The following CEBPB variants were observed in gnomAD, a reference collection of about 807,000 sequenced individuals.
CEBPB encodes CCAAT/enhancer-binding protein beta.
For missense variants in CEBPB, 498 were observed against 533.1 expected (o/e 0.93, Z 0.65); for synonymous variants, 295 against 267.1 (o/e 1.10, Z -1.02).
In CEBPB at chr20:50,191,660, T is replaced by G. The variant is rs867527567; in HGVS notation, c.627T>G (p.Ala209=). 39 of 1,415,982 alleles carry G rather than the reference T, an allele frequency of 2.8e-5. No individual in the cohort carries two copies. In the African/African-American group the frequency reaches 5.2e-4, roughly 19 times the overall value. 87.7% of individuals were successfully genotyped at this position (1,415,982 alleles called of 1,614,324 possible). A position where few individuals can be genotyped will look rare whatever the true frequency, so the allele number is the denominator to read the frequency against. Residue 209 remains alanine (A), a synonymous_variant, in exon 1 of 1, where the codon GCT becomes GCG. Transcript: ENST00000303004. ...CGGGCTTCCCGTACGCGCTGCGCGCTTACCTCGGCTACCAGGCGGTGCCGA... is the reference window on the plus strand; with the variant it reads ...CGGGCTTCCCGTACGCGCTGCGCGCGTACCTCGGCTACCAGGCGGTGCCGA... ...MAAGFPYALR[A]YLGYQAVPSG...
chr20:50,190,913 C>CCGGCAGCGGCGG lies in CEBPB; in HGVS notation c.-119_-108dup. On this transcript the variant is annotated 5_prime_UTR_variant, in exon 1 of 1. Transcript: ENST00000303004. ...AGCCCCCTCACTAATAGCGGCCACC[C>CCGGCAGCGGCGG]CGGCAGCGGCGGCAGCAGCAGCAGC... 2.4e-6 allele frequency: 3 copies of CCGGCAGCGGCGG among 1,262,270 alleles called. No individual in the cohort carries two copies. The highest frequency in any genetic ancestry group is 3.0e-6 in the Non-Finnish European group (3 of 988,152). The allele number at this position is 1,262,270 out of a possible 1,614,324, so 78.2% of individuals were successfully genotyped here. A position where few individuals can be genotyped will look rare whatever the true frequency, so the allele number is the denominator to read the frequency against.
At position 50,191,683 on chromosome 20, in the gene CEBPB, C is replaced by T; in HGVS notation, c.650C>T (p.Pro217Leu). 1.4e-6 allele frequency: 2 copies of T among 1,452,992 alleles called. No individual in the cohort carries two copies. The highest frequency in any genetic ancestry group is 2.7e-5 in the South Asian group (2 of 72,774). The allele number at this position is 1,452,992 out of a possible 1,614,324, so 90.0% of individuals were successfully genotyped here. ...LRAYLGYQAVPSGSSGSLSTS... is the reference protein window; with the variant it reads ...LRAYLGYQAVLSGSSGSLSTS... ...GCTTACCTCGGCTACCAGGCGGTGC[C>T]GAGCGGCAGCAGCGGGAGCCTCTCC... The change falls in exon 1 of 1, where the codon CCG (proline) becomes CTG (leucine). Residue 217 changes from proline to leucine, a missense_variant. Coordinates refer to ENST00000303004, the MANE Select transcript of CEBPB (RefSeq NM_005194.4).
Position 50,191,538 on chromosome 20 carries a change from C to A in CEBPB, c.505C>A (p.Pro169Thr). The change falls in exon 1 of 1, where the codon CCG becomes ACG. Residue 169 changes from proline to threonine, a missense_variant. Physicochemically the swap from Pro to Thr is conservative, Grantham distance 38. Transcript: ENST00000303004. Reference sequence around the variant, plus strand: ...GCACCCACCGCCCCCGCCGCCGCCGCCGCCCGCCGAGCTCAAGGCGGAGCC... The same window carrying A: ...GCACCCACCGCCCCCGCCGCCGCCGACGCCCGCCGAGCTCAAGGCGGAGCC... Reference protein sequence around the residue: ...PLHPPPPPPPPPAELKAEPGF... With the variant: ...PLHPPPPPPPTPAELKAEPGF... 1 of 1,314,136 alleles carries A rather than the reference C, an allele frequency of 7.6e-7. No homozygotes were observed. Among genetic ancestry groups the A allele is most frequent in the South Asian group, 2.3e-5 (1 of 43,504 alleles). 81.4% of individuals were successfully genotyped at this position (1,314,136 alleles called of 1,614,324 possible). A position where few individuals can be genotyped will look rare whatever the true frequency, so the allele number is the denominator to read the frequency against.
At position 50,191,194 on chromosome 20, in the gene CEBPB, C is replaced by G. The variant is rs975638329; in HGVS notation, c.161C>G (p.Pro54Arg). ...AAPAAPPAARPGPRPPAGELG... is the reference protein window; with the variant it reads ...AAPAAPPAARRGPRPPAGELG... Reference sequence around the variant, plus strand: ...CCCGCGGCGCCCCCCGCGGCCAGACCCGGGCCGCGCCCCCCCGCCGGCGAG... The same window carrying G: ...CCCGCGGCGCCCCCCGCGGCCAGACGCGGGCCGCGCCCCCCCGCCGGCGAG... The change falls in exon 1 of 1, where the codon CCC becomes CGC. Residue 54 changes from proline to arginine, a missense_variant. Physicochemically the swap from Pro to Arg is moderately radical, Grantham distance 103. Transcript: ENST00000303004. The G allele has an allele frequency of 1.5e-5, 20 of 1,324,578 alleles. No homozygotes were observed. The African/African-American group carries it at 3.0e-4, about 20-fold the overall frequency. 82.1% of individuals were successfully genotyped at this position (1,324,578 alleles called of 1,614,324 possible).
In CEBPB at chr20:50,191,743, G is replaced by C. The variant is rs757080333; in HGVS notation, c.710G>C (p.Ser237Thr). The part of the protein sequence containing the change: ...SSSSSPPGTP[S>T]PADAKAPPTA... ...TCGTCCAGCCCGCCCGGCACGCCGA[G>C]CCCCGCTGACGCCAAGGCGCCCCCG... Residue 237 changes from serine to threonine, a missense_variant, in exon 1 of 1, where the codon AGC becomes ACC. By Grantham distance (58) the Ser-to-Thr change is moderately conservative. Transcript: ENST00000303004. The C allele has an allele frequency of 6.5e-7, 1 of 1,528,188 alleles. No individual in the cohort carries two copies. The highest frequency in any genetic ancestry group is 1.2e-5 in the South Asian group (1 of 81,970). The allele number at this position is 1,528,188 out of a possible 1,614,324, so 94.7% of individuals were successfully genotyped here.
In CEBPB at chr20:50,192,130, G is replaced by GCCCGCGCCCTCGCCCCCGCC. The variant is rs2081583506; in HGVS notation, c.*64_*83dup. On this transcript the variant is annotated 3_prime_UTR_variant, in exon 1 of 1. Coordinates refer to ENST00000303004, the MANE Select transcript of CEBPB (RefSeq NM_005194.4). ...GGCTGAGACTCCGGGGAGCGCCCGC[G>GCCCGCGCCCTCGCCCCCGCC]CCCGCGCCCTCGCCCCCGCCCCCGG... The GCCCGCGCCCTCGCCCCCGCC allele has an allele frequency of 1.5e-6, 2 of 1,291,836 alleles. No individual in the cohort carries two copies. Among genetic ancestry groups the GCCCGCGCCCTCGCCCCCGCC allele is most frequent in the African/African-American group, 3.1e-5 (2 of 63,740 alleles). 80.0% of individuals were successfully genotyped at this position (1,291,836 alleles called of 1,614,324 possible). A position where few individuals can be genotyped will look rare whatever the true frequency, so the allele number is the denominator to read the frequency against.
rs1215435519 is a variant in CEBPB at position 50,191,504 on chromosome 20, C to G, written c.471C>G (p.Phe157Leu). ...AGGGCGCGCTGCACCCCGGCTGCTTCGCGCCCCTGCACCCACCGCCCCCGC... is the reference window on the plus strand; with the variant it reads ...AGGGCGCGCTGCACCCCGGCTGCTTGGCGCCCCTGCACCCACCGCCCCCGC... ...AAKGALHPGC[F>L]APLHPPPPPP... Residue 157 changes from phenylalanine (F) to leucine (L), a missense_variant, in exon 1 of 1, where the codon TTC becomes TTG. Transcript: ENST00000303004. The G allele has an allele frequency of 2.8e-6, 4 of 1,433,392 alleles. No individual in the cohort carries two copies. Among genetic ancestry groups the G allele is most frequent in the Non-Finnish European group, 2.8e-6 (3 of 1,090,152 alleles). 88.8% of individuals were successfully genotyped at this position (1,433,392 alleles called of 1,614,324 possible). A position where few individuals can be genotyped will look rare whatever the true frequency, so the allele number is the denominator to read the frequency against.
chr20:50,191,781 G>T lies in CEBPB; in HGVS notation c.748G>T (p.Ala250Ser). The T allele has an allele frequency of 6.5e-7, 1 of 1,546,050 alleles. No homozygotes were observed. Among genetic ancestry groups the T allele is most frequent in the Non-Finnish European group, 8.7e-7 (1 of 1,146,574 alleles). Residue 250 changes from alanine (A) to serine (S), a missense_variant, in exon 1 of 1, where the codon GCG becomes TCG. Coordinates refer to ENST00000303004, the MANE Select transcript of CEBPB (RefSeq NM_005194.4). ...CAAGGCGCCCCCGACCGCCTGCTAC[G>T]CGGGGGCCGCGCCGGCGCCCTCGCA... is the stretch of plus-strand genomic sequence containing the variant. Reference protein sequence around the residue: ...DAKAPPTACYAGAAPAPSQVK... With the variant: ...DAKAPPTACYSGAAPAPSQVK...
Position 50,191,498 on chromosome 20 carries a change from C to T in CEBPB, c.465C>T (p.Gly155=). 1 of 1,440,242 alleles carries T rather than the reference C, an allele frequency of 6.9e-7. No individual in the cohort carries two copies. The highest frequency in any genetic ancestry group is 2.6e-5 in the Admixed American group (1 of 39,114). 89.2% of individuals were successfully genotyped at this position (1,440,242 alleles called of 1,614,324 possible). The change falls in exon 1 of 1, where the codon GGC becomes GGT. Residue 155 remains glycine, a synonymous_variant. Coordinates refer to ENST00000303004, the MANE Select transcript of CEBPB (RefSeq NM_005194.4). ...CCGCCAAGGGCGCGCTGCACCCCGG[C>T]TGCTTCGCGCCCCTGCACCCACCGC... ...LGAAKGALHP[G]CFAPLHPPPP...
At position 50,192,175 on chromosome 20, in the gene CEBPB, G is replaced by A; in HGVS notation, c.*104G>A. ...CCCCGGCGGCGCCGGCAAAACTTTG[G>A]CACTGGGGCACTTGGCAGCGCGGGG... is the stretch of plus-strand genomic sequence containing the variant. On this transcript the variant is annotated 3_prime_UTR_variant, in exon 1 of 1. Coordinates refer to ENST00000303004, the MANE Select transcript of CEBPB (RefSeq NM_005194.4). 1.1e-6 allele frequency: 1 copy of A among 895,180 alleles called. No homozygotes were observed. Among genetic ancestry groups the A allele is most frequent in the Non-Finnish European group, 1.5e-6 (1 of 683,088 alleles). The allele number at this position is 895,180 out of a possible 1,614,324, so 55.5% of individuals were successfully genotyped here. A position where few individuals can be genotyped will look rare whatever the true frequency, so the allele number is the denominator to read the frequency against.
rs552807936 is a variant in CEBPB, at chr20:50,191,496, G to C, written c.463G>C (p.Gly155Arg). The C allele has an allele frequency of 1.4e-6, 2 of 1,443,010 alleles. No individual in the cohort carries two copies. The highest frequency in any genetic ancestry group is 3.2e-5 in the East Asian group (1 of 31,306). 89.4% of individuals were successfully genotyped at this position (1,443,010 alleles called of 1,614,324 possible). Residue 155 changes from glycine to arginine, a missense_variant, in exon 1 of 1, where the codon GGC (glycine) becomes CGC (arginine). Transcript: ENST00000303004. ...GGCCGCCAAGGGCGCGCTGCACCCC[G>C]GCTGCTTCGCGCCCCTGCACCCACC... The part of the protein sequence containing the change: ...LGAAKGALHP[G>R]CFAPLHPPPP...
rs1420321062 is a variant in CEBPB, at chr20:50,191,466, C to G, written c.433C>G (p.Leu145Val). ...GTACGGCTACGTGAGCCTGGGGCGCCTGGGGGCCGCCAAGGGCGCGCTGCA... is the reference window on the plus strand; with the variant it reads ...GTACGGCTACGTGAGCCTGGGGCGCGTGGGGGCCGCCAAGGGCGCGCTGCA... The part of the protein sequence containing the change: ...AEYGYVSLGR[L>V]GAAKGALHPG... The change falls in exon 1 of 1, where the codon CTG becomes GTG. Residue 145 changes from leucine to valine, a missense_variant. Leu to Val is a conservative substitution (Grantham distance 32, BLOSUM62 1). Coordinates refer to ENST00000303004, the MANE Select transcript of CEBPB (RefSeq NM_005194.4). The G allele has an allele frequency of 6.7e-7, 1 of 1,496,494 alleles. No individual in the cohort carries two copies. The highest frequency in any genetic ancestry group is 8.9e-7 in the Non-Finnish European group (1 of 1,120,912). The allele number at this position is 1,496,494 out of a possible 1,614,324, so 92.7% of individuals were successfully genotyped here. A position where few individuals can be genotyped will look rare whatever the true frequency, so the allele number is the denominator to read the frequency against.
rs758377322 is a variant in CEBPB at position 50,191,788 on chromosome 20, C to T, written c.755C>T (p.Ala252Val). Residue 252 changes from alanine (A) to valine (V), a missense_variant, in exon 1 of 1, where the codon GCC (alanine) becomes GTC (valine). Ala to Val is a moderately conservative substitution (Grantham distance 64). Coordinates refer to ENST00000303004, the MANE Select transcript of CEBPB (RefSeq NM_005194.4). The stretch of plus-strand genomic sequence containing the variant: ...CCCCCGACCGCCTGCTACGCGGGGG[C>T]CGCGCCGGCGCCCTCGCAGGTCAAG... ...KAPPTACYAG[A>V]APAPSQVKSK... 7.7e-6 allele frequency: 12 copies of T among 1,548,964 alleles called. No homozygotes were observed. The South Asian group carries it at 1.3e-4, about 17-fold the overall frequency.
At position 50,192,111 on chromosome 20, in the gene CEBPB, GA is replaced by G; in HGVS notation, c.*41del. The G allele has an allele frequency of 2.1e-6, 3 of 1,425,590 alleles. No individual in the cohort carries two copies. Among genetic ancestry groups the G allele is most frequent in the South Asian group, 2.9e-5 (2 of 68,364 alleles). The allele number at this position is 1,425,590 out of a possible 1,614,324, so 88.3% of individuals were successfully genotyped here. On this transcript the variant is annotated 3_prime_UTR_variant, in exon 1 of 1. Coordinates refer to ENST00000303004, the MANE Select transcript of CEBPB (RefSeq NM_005194.4). The stretch of plus-strand genomic sequence containing the variant: ...GCGTCCCCCTGCCGGCCGGGGCTGA[GA>G]CTCCGGGGAGCGCCCGCGCCCGCGC...
At chr20:50,190,737 C>G (rs2081569450), upstream of CEBPB, 1 of 263,936 alleles carries the variant, frequency 3.8e-6, no homozygotes, top group Non-Finnish European at 7.1e-6. Context: ...CGGCCGTGTC[C>G]TTCGCGTCCC....
chr20:50,191,456 C>A lies in CEBPB; in HGVS notation c.423C>A (p.Ser141Arg). Residue 141 changes from serine (S) to arginine (R), a missense_variant, in exon 1 of 1, where the codon AGC (serine) becomes AGA (arginine). By Grantham distance (110) the Ser-to-Arg change is moderately radical. Transcript: ENST00000303004. ...CKKPAEYGYV[S>R]LGRLGAAKGA... ...AGCCGGCCGAGTACGGCTACGTGAG[C>A]CTGGGGCGCCTGGGGGCCGCCAAGG... 6.7e-7 allele frequency: 1 copy of A among 1,500,922 alleles called. No homozygotes were observed. The highest frequency in any genetic ancestry group is 8.9e-7 in the Non-Finnish European group (1 of 1,122,872). The allele number at this position is 1,500,922 out of a possible 1,614,324, so 93.0% of individuals were successfully genotyped here.
rs1032800115 is a variant in CEBPB, at chr20:50,192,154, G to T, written c.*83G>T. On this transcript the variant is annotated 3_prime_UTR_variant, in exon 1 of 1. Transcript: ENST00000303004. ...CGCCCGCGCCCTCGCCCCCGCCCCCGGCGGCGCCGGCAAAACTTTGGCACT... is the reference window on the plus strand; with the variant it reads ...CGCCCGCGCCCTCGCCCCCGCCCCCTGCGGCGCCGGCAAAACTTTGGCACT... 4.2e-6 allele frequency: 5 copies of T among 1,180,292 alleles called. No individual in the cohort carries two copies. The African/African-American group carries it at 6.5e-5, about 15-fold the overall frequency. The allele number at this position is 1,180,292 out of a possible 1,614,324, so 73.1% of individuals were successfully genotyped here. A position where few individuals can be genotyped will look rare whatever the true frequency, so the allele number is the denominator to read the frequency against.
Position 50,190,913 on chromosome 20 carries a change from C to CCGGCAGCGGCGGCAGCAG in CEBPB, c.-119_-102dup. 7.9e-7 allele frequency: 1 copy of CCGGCAGCGGCGGCAGCAG among 1,262,270 alleles called. No individual in the cohort carries two copies. The highest frequency in any genetic ancestry group is 1.0e-6 in the Non-Finnish European group (1 of 988,152). The allele number at this position is 1,262,270 out of a possible 1,614,324, so 78.2% of individuals were successfully genotyped here. ...AGCCCCCTCACTAATAGCGGCCACC[C>CCGGCAGCGGCGGCAGCAG]CGGCAGCGGCGGCAGCAGCAGCAGC... On this transcript the variant is annotated 5_prime_UTR_variant, in exon 1 of 1. Coordinates refer to ENST00000303004, the MANE Select transcript of CEBPB (RefSeq NM_005194.4).
chr20:50,191,622 G>A lies in CEBPB; in HGVS notation c.589G>A (p.Ala197Thr). ...KEEAGAPGGG[A>T]GMAAGFPYAL... The stretch of plus-strand genomic sequence containing the variant: ...GGAGGCCGGGGCGCCGGGCGGCGGC[G>A]CAGGCATGGCGGCGGGCTTCCCGTA... Residue 197 changes from alanine to threonine, a missense_variant, in exon 1 of 1, where the codon GCA (alanine) becomes ACA (threonine). Coordinates refer to ENST00000303004, the MANE Select transcript of CEBPB (RefSeq NM_005194.4). 1 of 1,356,112 alleles carries A rather than the reference G, an allele frequency of 7.4e-7. No individual in the cohort carries two copies. Among genetic ancestry groups the A allele is most frequent in the Non-Finnish European group, 9.4e-7 (1 of 1,063,514 alleles). 84.0% of individuals were successfully genotyped at this position (1,356,112 alleles called of 1,614,324 possible).
Sources: allele counts gnomAD v4.1 joint callset, GRCh38; gene constraint gnomAD v4.1.1; transcripts MANE v1.5; gene names NCBI Gene and HGNC (gene_info 2026-07-23, HGNC 2026-07-21).